Variants in CFAP20DC observed in about 807,000 individuals in gnomAD.
CFAP20DC encodes the protein protein CFAP20DC.
In CFAP20DC, 84 loss-of-function variants were observed where a neutral mutation model predicts 101.7. That is an observed-to-expected ratio of 0.83 (90% CI 0.69 to 0.99). The LOEUF (loss-of-function observed/expected upper bound fraction) is 0.99. Ranked by LOEUF, CFAP20DC falls within the 50% of genes least tolerant of loss-of-function variation. CFAP20DC has a pLI of 0.00. For missense variants in CFAP20DC, 1,007 were observed against 970.3 expected (o/e 1.04, Z -0.50); for synonymous variants, 359 against 351.2 (o/e 1.02, Z -0.25).
intron 4 of CFAP20DC, among the ~76,000 whole-genome samples, chr3:59,033,332 C>G (rs9822951): frequency 0.2 from 29,875 of 151,992 alleles, 3,018 homozygotes; most frequent in African/African-American, 0.23. Flanking sequence ...GGGAATAAAA[C>G]TGGATGGAGA....
intron 15 of CFAP20DC, among the ~76,000 whole-genome samples, chr3:58,800,066 C>T (rs1010403182): frequency 1.3e-5 from 2 of 152,102 alleles, no homozygotes; most frequent in Admixed American, 6.5e-5. Context: ...GTGTGAAACA[C>T]CATCTGAGAG....
intron 15 of CFAP20DC, among the ~76,000 whole-genome samples, chr3:58,783,784 AC>A (rs1326293262): frequency 6.6e-6 from 1 of 152,060 alleles, no homozygotes; most frequent in East Asian, 1.9e-4. Flanking sequence ...TACTAAAAAA[AC>A]AAAACAAAAC....
chr3:58,941,327 C>CAAAAAAAAAAAAAAAAAAAA (rs752324535), intron 4 of CFAP20DC, among the ~76,000 whole-genome samples: 1 of 19,534 alleles, frequency 5.1e-5, no homozygotes, highest in African/African-American at 1.8e-4. Context: ...GACTCCGTCT[C>CAAAAAAAAAAAAAAAAAAAA]AAAAAAAAAA....
At chr3:58,967,817 G>C (rs912530711) in intron 4 of CFAP20DC, among the ~76,000 whole-genome samples, 14 of 152,096 alleles carry the variant, frequency 9.2e-5, no homozygotes, top group Non-Finnish European at 1.5e-4. Flanking sequence ...CAGGTGTTAA[G>C]CCCAGTACCC....
intron 4 of CFAP20DC, among the ~76,000 whole-genome samples, chr3:58,984,114 AG>A (rs1340337331): frequency 6.6e-6 from 1 of 152,234 alleles, no homozygotes; most frequent in East Asian, 1.9e-4. Context: ...TGGGGAGGAA[AG>A]GAAGAATCCA....
intron 4 of CFAP20DC, among the ~76,000 whole-genome samples, chr3:58,952,102 GA>G (rs2108059997): frequency 6.6e-6 from 1 of 152,108 alleles, no homozygotes; most frequent in Non-Finnish European, 1.5e-5. Context: ...AATTTGGGAG[GA>G]AAACCATTTA....
intron 4 of CFAP20DC, among the ~76,000 whole-genome samples, chr3:59,034,185 C>A (rs1266299764): frequency 1.3e-5 from 2 of 152,164 alleles, no homozygotes; most frequent in Non-Finnish European, 2.9e-5. Flanking sequence ...TACAAGAGCT[C>A]CTCAAGGAAG....
rs1409396681 is a variant in CFAP20DC, at chr3:58,849,608, T to C, written c.1594-199A>G. Reference sequence around the variant, plus strand: ...AACAGTTATAAGCCATTTGCTAAAATGTCCTGCTATACGGTATTTGGTCTG... The same window carrying C: ...AACAGTTATAAGCCATTTGCTAAAACGTCCTGCTATACGGTATTTGGTCTG... On this transcript the variant is annotated intron_variant, in intron 12 of 16. Transcript: ENST00000482387. Among the ~76,000 whole-genome samples, 3 of 152,190 alleles carry C rather than the reference T, an allele frequency of 2.0e-5. No individual in the cohort carries two copies. The East Asian group carries it at 5.8e-4, about 29-fold the overall frequency.
At chr3:58,856,289 C>CACACAG (rs1368642111) in intron 12 of CFAP20DC, among the ~76,000 whole-genome samples, 1 of 149,646 alleles carries the variant, frequency 6.7e-6, no homozygotes, top group East Asian at 1.9e-4. Context: ...CACACACACA[C>CACACAG]ACACACACAC....
chr3:58,904,552 C>A (rs1236466714), intron 6 of CFAP20DC, among the ~76,000 whole-genome samples: 1 of 152,014 alleles, frequency 6.6e-6, no homozygotes, highest in Non-Finnish European at 1.5e-5. Flanking sequence ...TGTGCATTCA[C>A]CTGATTTGGA....
intron 7 of CFAP20DC, among the ~76,000 whole-genome samples, chr3:58,871,534 T>C (rs1486918150): frequency 2.0e-5 from 3 of 150,600 alleles, no homozygotes; most frequent in Non-Finnish European, 3.0e-5. Flanking sequence ...GACTTTTCTT[T>C]TTTTTTTTTT....
chr3:59,005,890 T>C (rs1400929959), intron 4 of CFAP20DC, among the ~76,000 whole-genome samples: 1 of 152,168 alleles, frequency 6.6e-6, no homozygotes, highest in Non-Finnish European at 1.5e-5. Context: ...CAAAATATCC[T>C]AGATACATAG....
At chr3:58,931,152 C>A (rs181661526) in intron 5 of CFAP20DC, among the ~76,000 whole-genome samples, 10 of 152,070 alleles carry the variant, frequency 6.6e-5, no homozygotes, top group Non-Finnish European at 1.3e-4. Flanking sequence ...CCTACGCCCA[C>A]GGAGTCTCAC....
In CFAP20DC at chr3:58,904,490, A is replaced by T. The variant is rs1576237495; in HGVS notation, c.550+9218T>A. ...GAAAGGGCATTTTGAGTTCATCTCC[A>T]CTACAGGAAGGTATAGAAATAGAGC... On this transcript the variant is annotated intron_variant, in intron 6 of 16. Transcript: ENST00000482387. Among the ~76,000 whole-genome samples the T allele has an allele frequency of 1.3e-5, 2 of 152,260 alleles. 1 individual carries two copies. Among genetic ancestry groups the T allele is most frequent in the Middle Eastern group, 6.8e-3 (2 of 294 alleles).
At chr3:58,845,826 G>A (rs941786176) in intron 13 of CFAP20DC, among the ~76,000 whole-genome samples, 3 of 150,890 alleles carry the variant, frequency 2.0e-5, no homozygotes, top group African/African-American at 7.3e-5. Context: ...TGATCAAGTG[G>A]GCTTCATCCC....
intron 15 of CFAP20DC, among the ~76,000 whole-genome samples, chr3:58,793,130 C>G (rs926035006): frequency 2.6e-5 from 4 of 152,134 alleles, no homozygotes; most frequent in Admixed American, 6.5e-5. Context: ...TATTATACTA[C>G]CAGAGTGTTA....
chr3:58,726,845 A>G (rs1163887595), intron 3 of CFAP20DC: 7 of 263,078 alleles, frequency 2.7e-5, no homozygotes, highest in Non-Finnish European at 4.5e-5. Context: ...AGAAGGACCC[A>G]TCACTTCCAC....
At chr3:58,977,378 C>T (rs138510776) in intron 4 of CFAP20DC, among the ~76,000 whole-genome samples, 34 of 152,196 alleles carry the variant, frequency 2.2e-4, no homozygotes, top group Middle Eastern at 3.4e-3. Context: ...TGTGGATGTG[C>T]GAAGGCTTAC....
rs2073126119 is a variant in CFAP20DC, at chr3:58,794,906, AG to A, written c.2237+11488del. On this transcript the variant is annotated intron_variant, in intron 15 of 16. Coordinates refer to ENST00000482387, the MANE Select transcript of CFAP20DC (RefSeq NM_001394063.1). ...TACTCTGTGAATCATTTTATGCTGT[AG>A]GGGTTCCCTGTTTAAATGACAGGGA... Among the ~76,000 whole-genome samples the A allele has an allele frequency of 2.0e-5, 3 of 152,222 alleles. No individual in the cohort carries two copies. The South Asian group carries it at 6.2e-4, about 32-fold the overall frequency.
Sources: gnomAD v4.1 joint callset for allele counts (sites outside exome capture counted in the v4.1 genomes callset) on GRCh38, gnomAD v4.1.1 for gene constraint, MANE v1.5 for transcripts, NCBI Gene and HGNC (gene_info 2026-07-23, HGNC 2026-07-21) for gene names.